Variants in WDR7 observed in about 807,000 individuals in gnomAD.
The protein encoded by WDR7 is WD repeat-containing protein 7.
WDR7 carries 46 observed loss-of-function variants against 169.4 expected under a neutral mutation model. The ratio of observed to expected loss-of-function variants is 0.27; its 90% CI spans 0.21 to 0.35. WDR7 has a LOEUF of 0.35. Among genes scored for constraint, WDR7 ranks in the 10% least tolerant of loss-of-function variants. WDR7 has a pLI of 1.00. For synonymous variants in WDR7, 612 were observed against 666.8 expected (o/e 0.92, Z 1.27); for missense variants, 1,534 against 1,859.3 (o/e 0.83, Z 3.22).
At position 56,911,943 on chromosome 18, in the gene WDR7, ACT is replaced by A. The variant is rs574415427; in HGVS notation, c.3527-11974_3527-11973del. Among the ~76,000 whole-genome samples, 231 of 152,196 alleles carry A rather than the reference ACT, an allele frequency of 1.5e-3. 1 individual carries two copies. The highest frequency in any genetic ancestry group is 2.4e-3 in the Non-Finnish European group (166 of 68,008). On this transcript the variant is annotated intron_variant, in intron 21 of 27. Transcript: ENST00000254442. ...CTTTTTAATAATACTTTAATTCTTA[ACT>A]CTCTACATTAGCGCGAATGGATAAA...
In WDR7 at chr18:57,010,949, G is replaced by A. The variant is rs141165451; in HGVS notation, c.4165-9796G>A. On this transcript the variant is annotated intron_variant, in intron 26 of 27. Transcript: ENST00000254442. ...TGTATGATGATTACAGCGTTTTTAAGTTTGGTAAGCAACGATTGGCTTAAA... is the reference window on the plus strand; with the variant it reads ...TGTATGATGATTACAGCGTTTTTAAATTTGGTAAGCAACGATTGGCTTAAA... Among the ~76,000 whole-genome samples, 1,254 of 152,242 alleles carry A rather than the reference G, an allele frequency of 8.2e-3. 16 individuals are homozygous for A. The highest frequency in any genetic ancestry group is 0.029 in the African/African-American group (1,193 of 41,542).
chr18:56,974,062 A>G (rs964277295), intron 26 of WDR7, among the ~76,000 whole-genome samples: 1 of 152,196 alleles, frequency 6.6e-6, no homozygotes, highest in Admixed American at 6.5e-5. Flanking sequence ...TTTTCTTGCT[A>G]AGACATACCA....
intron 19 of WDR7, among the ~76,000 whole-genome samples, chr18:56,799,152 A>G (rs1035358695): frequency 3.3e-5 from 5 of 152,192 alleles, no homozygotes; most frequent in African/African-American, 1.2e-4. Flanking sequence ...TGAAGGACTC[A>G]GTGTCCAGCA....
At chr18:56,909,727 C>T (rs1439156273) in intron 21 of WDR7, among the ~76,000 whole-genome samples, 1 of 152,066 alleles carries the variant, frequency 6.6e-6, no homozygotes, top group Non-Finnish European at 1.5e-5. Context: ...AGTATTCTTT[C>T]ACCTTTTATT....
rs1034316966 is a variant in WDR7, at chr18:56,816,068, G to T, written c.3228G>T (p.Thr1076=). The part of the protein sequence containing the change: ...VTSEAAQTIT[T]APDASGPEAK... The stretch of plus-strand genomic sequence containing the variant: ...CAGAAGCCGCGCAGACTATCACCAC[G>T]GCTCCTGATGCCTCAGGGCCTGAAG... Residue 1076 remains threonine (T), a synonymous_variant, in exon 20 of 28, where the codon ACG becomes ACT. Transcript: ENST00000254442. The T allele has an allele frequency of 3.1e-6, 5 of 1,613,554 alleles. No individual in the cohort carries two copies. The highest frequency in any genetic ancestry group is 4.2e-6 in the Non-Finnish European group (5 of 1,179,870).
intron 12 of WDR7, 72 bp downstream of exon 12, chr18:56,696,534 G>A: frequency 7.3e-6 from 9 of 1,239,158 alleles, no homozygotes; most frequent in Non-Finnish European, 7.9e-6. Flanking sequence ...GAATGTAAAT[G>A]GAATCTAGAC....
intron 14 of WDR7, among the ~76,000 whole-genome samples, chr18:56,755,339 A>G (rs559669851): frequency 6.6e-6 from 1 of 152,302 alleles, no homozygotes; most frequent in East Asian, 1.9e-4. Context: ...TATTTTTCTT[A>G]ATAATTCATG....
chr18:56,807,003 A>G (rs769360526), intron 19 of WDR7, among the ~76,000 whole-genome samples: 15 of 152,156 alleles, frequency 9.9e-5, no homozygotes, highest in Non-Finnish European at 1.5e-4. Context: ...AAAGCCATCA[A>G]CTTCAGCAGC....
intron 19 of WDR7, among the ~76,000 whole-genome samples, chr18:56,804,507 A>G (rs946627533): frequency 4.6e-5 from 7 of 152,232 alleles, no homozygotes; most frequent in African/African-American, 1.7e-4. Flanking sequence ...CAACAATAAC[A>G]TCTGTGTTTT....
intron 14 of WDR7, among the ~76,000 whole-genome samples, chr18:56,749,876 AC>A (rs1372096839): frequency 6.6e-6 from 1 of 151,664 alleles, no homozygotes; most frequent in Non-Finnish European, 1.5e-5. Flanking sequence ...ACATGATTTA[AC>A]CCTAGAATAT....
At chr18:56,700,727 G>A (rs1455100619) in intron 12 of WDR7, among the ~76,000 whole-genome samples, 6 of 147,780 alleles carry the variant, frequency 4.1e-5, no homozygotes, top group African/African-American at 1.5e-4. Flanking sequence ...CCGCTACCAC[G>A]CCCGGCTAAT....
chr18:56,952,909 A>G (rs927640663), intron 25 of WDR7, among the ~76,000 whole-genome samples: 2 of 152,226 alleles, frequency 1.3e-5, no homozygotes, highest in Non-Finnish European at 2.9e-5. Flanking sequence ...CTATAGTCAG[A>G]AAAAGATTAG....
chr18:56,785,912 C>G (rs948945038), intron 19 of WDR7, among the ~76,000 whole-genome samples: 1 of 151,550 alleles, frequency 6.6e-6, no homozygotes, highest in African/African-American at 2.4e-5. Flanking sequence ...GGGATCTTCC[C>G]GCCTCAGCCT....
In WDR7 at chr18:56,834,077, G is replaced by C. The variant is rs78602758; in HGVS notation, c.3304+17933G>C. Among the ~76,000 whole-genome samples the C allele has an allele frequency of 8.2e-3, 1,247 of 152,236 alleles. 21 individuals carry two copies. Among genetic ancestry groups the C allele is most frequent in the African/African-American group, 0.026 (1,095 of 41,558 alleles). On this transcript the variant is annotated intron_variant, in intron 20 of 27. Coordinates refer to ENST00000254442, the MANE Select transcript of WDR7 (RefSeq NM_015285.3). ...CACAATTCAGTTCCTTGCAGTTATA[G>C]GATTGAGGTCCTCAGCTCCTAGAGG...
At chr18:56,810,124 A>G (rs958657481) in intron 19 of WDR7, among the ~76,000 whole-genome samples, 1 of 152,172 alleles carries the variant, frequency 6.6e-6, no homozygotes, top group African/African-American at 2.4e-5. Context: ...TTTTGCAGAT[A>G]ATGACTACCT....
chr18:56,922,057 A>G (rs193053596), intron 21 of WDR7, among the ~76,000 whole-genome samples: 2 of 152,310 alleles, frequency 1.3e-5, no homozygotes, highest in East Asian at 3.9e-4. Context: ...ATTGGAAGCC[A>G]TGGCTGCTGG....
chr18:56,666,863 A>G (rs1180985699), intron 1 of WDR7, among the ~76,000 whole-genome samples: 1 of 146,924 alleles, frequency 6.8e-6, no homozygotes, highest in East Asian at 2.0e-4. Context: ...AACCAGCTAT[A>G]CTCTCCATTC....
chr18:56,924,328 T>C (rs2046773612), intron 22 of WDR7, among the ~76,000 whole-genome samples: 1 of 152,188 alleles, frequency 6.6e-6, no homozygotes, highest in Admixed American at 6.5e-5. Flanking sequence ...GTGAATGATA[T>C]GTGACATAGT....
At chr18:56,828,768 A>G (rs1384937750) in intron 20 of WDR7, among the ~76,000 whole-genome samples, 1 of 152,190 alleles carries the variant, frequency 6.6e-6, no homozygotes, top group Non-Finnish European at 1.5e-5. Context: ...GCAAAATTCA[A>G]CTAAATGTGA....
Sources: allele counts gnomAD v4.1 joint callset (sites outside exome capture counted in the v4.1 genomes callset), GRCh38; gene constraint gnomAD v4.1.1; transcripts MANE v1.5; gene names NCBI Gene and HGNC (gene_info 2026-07-23, HGNC 2026-07-21).